The following FCHO1 variants were observed in gnomAD, a reference collection of about 807,000 sequenced individuals.
FCHO1 encodes F-BAR domain only protein 1.
FCHO1 carries 45 observed loss-of-function variants against 114.4 expected under a neutral mutation model. The ratio of observed to expected loss-of-function variants is 0.39; its 90% CI spans 0.31 to 0.50. The LOEUF is 0.50. FCHO1 is among the 20% of genes least tolerant of loss of function. The pLI is 0.77. For missense variants in FCHO1, 1,042 were observed against 1,209.6 expected (o/e 0.86, Z 2.06); for synonymous variants, 480 against 488.9 (o/e 0.98, Z 0.24).
chr19:17,750,489 C>T (rs1373228706), upstream of FCHO1, among the ~76,000 whole-genome samples: 1 of 152,178 alleles, frequency 6.6e-6, no homozygotes, highest in Non-Finnish European at 1.5e-5. Flanking sequence ...GACAGAGTCT[C>T]TCTCTGTCAC....
rs1180201911 is a variant in FCHO1, at chr19:17,774,373, T to C, written c.836-21T>C. ...TGAAAGGAGGCTCACAGTGCTCAGG[T>C]GCCCCCCAATCTATCCTCAGCGATG... On this transcript the variant is annotated intron_variant, in intron 12 of 28. Coordinates refer to ENST00000596536, the MANE Select transcript of FCHO1 (RefSeq NM_015122.3). 4.3e-6 allele frequency: 7 copies of C among 1,613,298 alleles called. No individual in the cohort carries two copies. In the Admixed American group the frequency reaches 1.2e-4, roughly 27 times the overall value.
At chr19:17,777,770 C>T (rs1431465968) in intron 18 of FCHO1, among the ~76,000 whole-genome samples, 1 of 152,096 alleles carries the variant, frequency 6.6e-6, no homozygotes, top group African/African-American at 2.4e-5. Context: ...ACAGGCTGCA[C>T]ACAGTGGCTC....
upstream of FCHO1, among the ~76,000 whole-genome samples, chr19:17,751,003 A>G (rs943612115): frequency 6.6e-6 from 1 of 151,882 alleles, no homozygotes; most frequent in Non-Finnish European, 1.5e-5. This position sits in a 1 kb window ranked among gnomAD's most constrained non-coding sequence, Gnocchi z 4.4. Context: ...CACCACGCCC[A>G]GCTAATTTTT....
At chr19:17,755,891 G>A (rs1272368768) in intron 4 of FCHO1, among the ~76,000 whole-genome samples, 6 of 152,160 alleles carry the variant, frequency 3.9e-5, no homozygotes, top group African/African-American at 1.2e-4. Context: ...ACACAGAATC[G>A]TGTTTGCTGT....
chr19:17,759,226 C>CTTTTT (rs1473282318), intron 4 of FCHO1, among the ~76,000 whole-genome samples: 2 of 105,920 alleles, frequency 1.9e-5, no homozygotes, highest in Non-Finnish European at 3.6e-5. Context: ...AGCTGATTAC[C>CTTTTT]TTTTTTTTTT....
intron 28 of FCHO1, 54 bp from the exon 29 acceptor site, chr19:17,788,229 AC>A (rs1335364802): frequency 8.9e-7 from 1 of 1,127,856 alleles, no homozygotes; most frequent in African/African-American, 1.5e-5. Flanking sequence ...GAGCCGGGGA[AC>A]CCCTCCCGTA....
Position 17,770,556 on chromosome 19 carries a change from C to T in FCHO1, c.468C>T (p.Thr156=), listed in dbSNP as rs2091192734. ...AGGAGCGGCTGCGGAGGGAGAGTAC[C>T]AGCCAGAAGGAGATGGACAAGGTGG... ...MDQERLRRES[T]SQKEMDKAET... The change falls in exon 8 of 29, where the codon ACC becomes ACT. Residue 156 remains threonine, a synonymous_variant. Transcript: ENST00000596536. 1 of 1,612,822 alleles carries T rather than the reference C, an allele frequency of 6.2e-7. No homozygotes were observed. Among genetic ancestry groups the T allele is most frequent in the African/African-American group, 1.3e-5 (1 of 74,916 alleles).
chr19:17,786,378 A>G (rs2093898424), intron 26 of FCHO1, among the ~76,000 whole-genome samples, 196 bp from the exon 27 acceptor site: 1 of 151,992 alleles, frequency 6.6e-6, no homozygotes, highest in Non-Finnish European at 1.5e-5. Context: ...ACACACACAC[A>G]CACACAGAAG....
chr19:17,776,835 T>A lies in FCHO1; in HGVS notation c.1259+149T>A. The A allele has an allele frequency of 2.8e-6, 2 of 723,606 alleles. No homozygotes were observed. The highest frequency in any genetic ancestry group is 4.6e-6 in the Non-Finnish European group (2 of 435,572). 44.8% of individuals were successfully genotyped at this position (723,606 alleles called of 1,614,324 possible). ...TTTGTTTTTGTTTTGAGACAGAGTCTCACTCTGTCACCCAGGCTGGAGTGC... is the reference window on the plus strand; with the variant it reads ...TTTGTTTTTGTTTTGAGACAGAGTCACACTCTGTCACCCAGGCTGGAGTGC... On this transcript the variant is annotated intron_variant, in intron 18 of 28. Coordinates refer to ENST00000596536, the MANE Select transcript of FCHO1 (RefSeq NM_015122.3). The surrounding 1 kb of genome is among the most constrained non-coding windows in gnomAD (Gnocchi z 4.4).
Position 17,770,427 on chromosome 19 carries a change from C to T in FCHO1, c.339C>T (p.Cys113=), listed in dbSNP as rs772825095. The change falls in exon 8 of 29, where the codon TGC becomes TGT. Residue 113 remains cysteine (C), a splice_region_variant and synonymous_variant. Coordinates refer to ENST00000596536, the MANE Select transcript of FCHO1 (RefSeq NM_015122.3). ...TGAAATCCCCTCCTACCCCGCAGTG[C>T]AAGGAGGAAGTGGTGAGCACCTTGG... ...GEEQLKTHKK[C]KEEVVSTLDA... 1 of 1,610,228 alleles carries T rather than the reference C, an allele frequency of 6.2e-7. No individual in the cohort carries two copies. Among genetic ancestry groups the T allele is most frequent in the South Asian group, 1.1e-5 (1 of 90,772 alleles).
At position 17,783,068 on chromosome 19, in the gene FCHO1, C is replaced by G. The variant is rs527289082; in HGVS notation, c.1989C>G (p.Ile663Met). Residue 663 changes from isoleucine (I) to methionine (M), a missense_variant, in exon 24 of 29, where the codon ATC becomes ATG. Transcript: ENST00000596536. Reference sequence around the variant, plus strand: ...TGACCATGACCTTCCCTGCTGGCATCGTGCGTGTGTTCAGCGGGACCCCAC... The same window carrying G: ...TGACCATGACCTTCCCTGCTGGCATGGTGCGTGTGTTCAGCGGGACCCCAC... ...GELTMTFPAG[I>M]VRVFSGTPPP... 1.2e-6 allele frequency: 2 copies of G among 1,614,004 alleles called. No individual in the cohort carries two copies. The highest frequency in any genetic ancestry group is 3.3e-5 in the Admixed American group (2 of 59,990).
At chr19:17,781,143 C>G in intron 20 of FCHO1, 88 bp from the exon 21 acceptor site, 1 of 906,986 alleles carries the variant, frequency 1.1e-6, no homozygotes, top group Non-Finnish European at 1.7e-6. Flanking sequence ...AGCCCACCTC[C>G]TAAGATTTTG....
At chr19:17,759,698 C>T (rs555481074) in intron 4 of FCHO1, among the ~76,000 whole-genome samples, 23 of 151,540 alleles carry the variant, frequency 1.5e-4, no homozygotes, top group Admixed American at 2.6e-4. Context: ...TTTGGGAGGC[C>T]GAGGCAGGCA....
Position 17,774,477 on chromosome 19 carries a change from G to A in FCHO1, c.919G>A (p.Val307Ile). ...GCGGGAGCCAGAGCCACCTGCAGCT[G>A]TGTGAGGAAGCACCCCTGCCCGGTC... ...REREPEPPAA[V>I]DFLEPDSGTC... The change falls in exon 13 of 29, where the codon GTA becomes ATA. Residue 307 changes from valine (V) to isoleucine (I), a missense_variant and splice_region_variant. Physicochemically the swap from Val to Ile is conservative, Grantham distance 29 (BLOSUM62 3). Coordinates refer to ENST00000596536, the MANE Select transcript of FCHO1 (RefSeq NM_015122.3). 2.5e-6 allele frequency: 4 copies of A among 1,612,390 alleles called. No homozygotes were observed. The highest frequency in any genetic ancestry group is 2.2e-5 in the East Asian group (1 of 44,874).
chr19:17,755,436 G>A (rs143754511), intron 4 of FCHO1: 19 of 378,342 alleles, frequency 5.0e-5, no homozygotes, highest in African/African-American at 1.7e-4. Flanking sequence ...GAGTGGGAAC[G>A]TCTAGGCAAC....
At position 17,770,439 on chromosome 19, in the gene FCHO1, G is replaced by A; in HGVS notation, c.351G>A (p.Val117=). 6.2e-7 allele frequency: 1 copy of A among 1,612,742 alleles called. No homozygotes were observed. Among genetic ancestry groups the A allele is most frequent in the Non-Finnish European group, 8.5e-7 (1 of 1,179,442 alleles). The stretch of plus-strand genomic sequence containing the variant: ...CTACCCCGCAGTGCAAGGAGGAAGT[G>A]GTGAGCACCTTGGATGCTGTGCAGG... ...LKTHKKCKEE[V]VSTLDAVQVL... is the part of the protein sequence containing the mutation. Residue 117 remains valine, a synonymous_variant, in exon 8 of 29, where the codon GTG becomes GTA. Coordinates refer to ENST00000596536, the MANE Select transcript of FCHO1 (RefSeq NM_015122.3).
chr19:17,781,825 C>G lies in FCHO1; in HGVS notation c.1937+5C>G. 1 of 1,571,660 alleles carries G rather than the reference C, an allele frequency of 6.4e-7. No homozygotes were observed. The highest frequency in any genetic ancestry group is 8.6e-7 in the Non-Finnish European group (1 of 1,156,528). ...CTTCCGTGGCCACAGCCCCAGGTAC[C>G]CAGTGATGGGCAGACAGGGCCCGTG... On this transcript the variant is annotated splice_donor_5th_base_variant and intron_variant, in intron 23 of 28. Coordinates refer to ENST00000596536, the MANE Select transcript of FCHO1 (RefSeq NM_015122.3).
rs1322329930 is a variant in FCHO1, at chr19:17,784,817, C to T, written c.2319C>T (p.Gly773=). 2 of 1,614,086 alleles carry T rather than the reference C, an allele frequency of 1.2e-6. No homozygotes were observed. Among genetic ancestry groups the T allele is most frequent in the East Asian group, 2.2e-5 (1 of 44,886 alleles). The stretch of plus-strand genomic sequence containing the variant: ...TCACCCAGGTCTCAGTGGAGTACGG[C>T]TACCGGCCCGGTGCCACGGCTGTGC... ...ATLTQVSVEY[G]YRPGATAVPT... The change falls in exon 26 of 29, where the codon GGC becomes GGT. Residue 773 remains glycine, a synonymous_variant. Transcript: ENST00000596536. This position sits in a 1 kb window ranked among gnomAD's most constrained non-coding sequence, Gnocchi z 5.3.
At position 17,788,323 on chromosome 19, in the gene FCHO1, G is replaced by A. The variant is rs1337734645; in HGVS notation, c.*17G>A. On this transcript the variant is annotated 3_prime_UTR_variant, in exon 29 of 29. Transcript: ENST00000596536. ...AGCTGCTGAACCCGCAAATGCTGCT[G>A]CCCCAGCTCTACACTGCGCCCTGGT... 4 of 1,570,498 alleles carry A rather than the reference G, an allele frequency of 2.5e-6. No homozygotes were observed. The highest frequency in any genetic ancestry group is 3.4e-6 in the Non-Finnish European group (4 of 1,162,964).
Sources: allele counts gnomAD v4.1 joint callset (sites outside exome capture counted in the v4.1 genomes callset), GRCh38; gene constraint gnomAD v4.1.1; non-coding constraint Gnocchi (gnomAD v3.1); transcripts MANE v1.5; gene names NCBI Gene and HGNC (gene_info 2026-07-23, HGNC 2026-07-21).